SLC22A25: variants seen among roughly 807,000 people sequenced by gnomAD.
SLC22A25 encodes the protein MGI:2442751, MGI:2385316, MGI:3042283, MGI:3645714, MGI:3605624, MGI:2442750.
Under a neutral mutation model 45.9 loss-of-function variants are expected in SLC22A25, and 44 were observed. That is an observed-to-expected ratio of 0.96 (90% CI 0.75 to 1.23). SLC22A25 has a LOEUF of 1.23. Ranked by LOEUF, SLC22A25 falls within the 50% of genes most tolerant of loss-of-function variation. SLC22A25 has a pLI of 0.00. For synonymous variants in SLC22A25, 283 were observed against 238.6 expected, an observed-to-expected ratio of 1.19 and a Z score of -1.72; for missense variants, 800 against 666.4, an observed-to-expected ratio of 1.20 and a Z score of -2.21.
intron 3 of SLC22A25, among the ~76,000 whole-genome samples, chr11:63,232,160 T>C (rs940307279): frequency 1.3e-5 from 2 of 152,188 alleles, no homozygotes; most frequent in Admixed American, 6.5e-5. Context: ...TTTTTTCCAA[T>C]TGTGTGAAGA....
intron 7 of SLC22A25, among the ~76,000 whole-genome samples, chr11:63,198,514 G>A (rs750832346): frequency 1.3e-5 from 2 of 152,048 alleles, no homozygotes; most frequent in African/African-American, 2.4e-5. Flanking sequence ...GGTGGTAATC[G>A]AACAATGAGA....
chr11:63,216,394 A>G (rs1333811459), intron 7 of SLC22A25, among the ~76,000 whole-genome samples: 1 of 152,158 alleles, frequency 6.6e-6, no homozygotes, highest in Non-Finnish European at 1.5e-5. Context: ...AGGACTAGAA[A>G]CTCTTCTACT....
rs902538674 is a variant in SLC22A25, at chr11:63,177,936, C to T, written c.1070+2724G>A. 2.6e-5 allele frequency among the ~76,000 whole-genome samples: 3 copies of T among 117,270 alleles called. No individual in the cohort carries two copies. The East Asian group carries it at 9.0e-4, about 35-fold the overall frequency. The allele number at this position is 117,270 out of a possible 152,430, so 76.9% of individuals were successfully genotyped here. ...ATTTTCTTTTTTTTTGACAGGGTCT[C>T]ACTCTGTCTTAAAAGTGACACTCCA... On this transcript the variant is annotated intron_variant, in intron 9 of 11. Transcript: ENST00000306494.
In SLC22A25 at chr11:63,217,639, G is replaced by A; in HGVS notation, c.603C>T (p.Ser201=). The A allele has an allele frequency of 6.2e-7, 1 of 1,613,992 alleles. No individual in the cohort carries two copies. The highest frequency in any genetic ancestry group is 2.2e-5 in the East Asian group (1 of 44,844). ...AFAPTILVYC[S]LRFLAGAATF... ...TAGCAGCCCCAGCCAAGAAGCGCAG[G>A]GAGCAGTATACGAGGATGGTGGGAG... is the stretch of plus-strand genomic sequence containing the variant. Residue 201 remains serine, a synonymous_variant, in exon 6 of 12, where the codon TCC becomes TCT. Coordinates refer to ENST00000306494, the MANE Select transcript of SLC22A25 (RefSeq NM_199352.6).
intron 7 of SLC22A25, among the ~76,000 whole-genome samples, chr11:63,213,270 G>A (rs1329805846): frequency 3.3e-5 from 5 of 152,190 alleles, no homozygotes; most frequent in African/African-American, 4.8e-5. Context: ...ACAGGAAAAG[G>A]CCTTCAAGGA....
At position 63,183,758 on chromosome 11, in the gene SLC22A25, T is replaced by C; in HGVS notation, c.890A>G (p.Lys297Arg). ...IINNKPEEGL[K>R]ELRKAAHRNG... ...CCTGTGTGCAGCTTTTCTAAGTTCC[T>C]TTAAGCCCTCTTCTGGTTTGTTGTT... Residue 297 changes from lysine to arginine, a missense_variant, in exon 8 of 12, where the codon AAG becomes AGG. Physicochemically the swap from Lys to Arg is conservative, Grantham distance 26 (BLOSUM62 2). Transcript: ENST00000306494. 6.2e-7 allele frequency: 1 copy of C among 1,613,292 alleles called. No individual in the cohort carries two copies. Among genetic ancestry groups the C allele is most frequent in the South Asian group, 1.1e-5 (1 of 91,028 alleles).
chr11:63,185,386 T>A (rs952091466), intron 7 of SLC22A25, among the ~76,000 whole-genome samples: 11 of 151,818 alleles, frequency 7.2e-5, no homozygotes, highest in African/African-American at 2.2e-4. Flanking sequence ...GAACATGTGG[T>A]GTTTGGTTTT....
chr11:63,215,964 T>A (rs1193643), intron 7 of SLC22A25, among the ~76,000 whole-genome samples: 3 of 152,316 alleles, frequency 2.0e-5, no homozygotes, highest in African/African-American at 7.2e-5. Flanking sequence ...TTTTTTATGG[T>A]TGCATAATCA....
In SLC22A25 at chr11:63,164,619, C is replaced by G. The variant is rs148517822; in HGVS notation, c.1301G>C (p.Arg434Pro). The G allele has an allele frequency of 3.1e-4, 502 of 1,613,698 alleles. No homozygotes were observed. Among genetic ancestry groups the G allele is most frequent in the Admixed American group, 9.2e-4 (55 of 59,978 alleles). The change falls in exon 11 of 12, where the codon CGT (arginine) becomes CCT (proline). Residue 434 changes from arginine (R) to proline (P), a missense_variant. Arg to Pro is a moderately radical substitution (Grantham distance 103, BLOSUM62 -2). Transcript: ENST00000306494. ...CACACCCAGGGTTGCCAAAACCACA[C>G]GCAGGGTCTGCATTTCTGGAGAAAG... The part of the protein sequence containing the change: ...IFVPQEMQTL[R>P]VVLATLGVGA...
rs185081665 is a variant in SLC22A25, at chr11:63,166,336, G to A, written c.1071-78C>T. ...TACAAATGAGAATAATATTGGCCCAGGTAGCCAAGGACTCTTTAAAGTAAA... is the reference window on the plus strand; with the variant it reads ...TACAAATGAGAATAATATTGGCCCAAGTAGCCAAGGACTCTTTAAAGTAAA... On this transcript the variant is annotated intron_variant, in intron 9 of 11. Transcript: ENST00000306494. The A allele has an allele frequency of 1.4e-4, 221 of 1,540,462 alleles. No individual in the cohort carries two copies. The African/African-American group carries it at 2.6e-3, about 18-fold the overall frequency.
At chr11:63,196,264 T>G (rs1029231581) in intron 7 of SLC22A25, among the ~76,000 whole-genome samples, 9 of 152,122 alleles carry the variant, frequency 5.9e-5, no homozygotes, top group African/African-American at 9.7e-5. Context: ...GAGGCCAGCA[T>G]AATCCTGATA....
At chr11:63,215,864 A>G (rs2089696158) in intron 7 of SLC22A25, among the ~76,000 whole-genome samples, 1 of 152,094 alleles carries the variant, frequency 6.6e-6, no homozygotes, top group South Asian at 2.1e-4. Context: ...AAGTGAAACC[A>G]TGTATTTGGT....
intron 7 of SLC22A25, among the ~76,000 whole-genome samples, chr11:63,212,531 A>G (rs981959342): frequency 6.6e-6 from 1 of 152,058 alleles, no homozygotes; most frequent in East Asian, 1.9e-4. Context: ...CATGGATGAA[A>G]CTGGAAACCA....
intron 5 of SLC22A25, 145 bp from the exon 6 acceptor site, chr11:63,217,880 A>G: frequency 1.0e-6 from 1 of 971,466 alleles, no homozygotes; most frequent in Non-Finnish European, 1.5e-6. Flanking sequence ...CAGTTAATCA[A>G]TGGCAGGTCT....
intron 9 of SLC22A25, among the ~76,000 whole-genome samples, chr11:63,173,755 T>C (rs565039399): frequency 1.3e-5 from 2 of 152,296 alleles, no homozygotes; most frequent in South Asian, 2.1e-4. Flanking sequence ...TGATTCTTTA[T>C]TTCTGCATCA....
In SLC22A25 at chr11:63,160,151, T is replaced by C. The variant is rs1003774990; in HGVS notation, c.*3673A>G. Among the ~76,000 whole-genome samples the C allele has an allele frequency of 6.6e-6, 1 of 152,174 alleles. No individual in the cohort carries two copies. The highest frequency in any genetic ancestry group is 1.5e-5 in the Non-Finnish European group (1 of 68,032). ...TTCAAGCCTGCTGCAGAAATTTGCA[T>C]AAGTAATGAGGAACCAAAGGTTAAT... On this transcript the variant is annotated 3_prime_UTR_variant, in exon 12 of 12. Transcript: ENST00000306494.
chr11:63,190,565 C>A (rs956160028), intron 7 of SLC22A25, among the ~76,000 whole-genome samples: 1 of 152,116 alleles, frequency 6.6e-6, no homozygotes, highest in Admixed American at 6.5e-5. Flanking sequence ...CATTGTCTGT[C>A]CAGCTTTGTT....
In SLC22A25 at chr11:63,160,082, C is replaced by T. The variant is rs2087521215; in HGVS notation, c.*3742G>A. Among the ~76,000 whole-genome samples, 1 of 152,144 alleles carries T rather than the reference C, an allele frequency of 6.6e-6. No individual in the cohort carries two copies. Among genetic ancestry groups the T allele is most frequent in the Non-Finnish European group, 1.5e-5 (1 of 68,026 alleles). On this transcript the variant is annotated 3_prime_UTR_variant, in exon 12 of 12. Coordinates refer to ENST00000306494, the MANE Select transcript of SLC22A25 (RefSeq NM_199352.6). ...CAAAAAAGTTTGAAAAATTTGCAGC[C>T]TGGTGATGTGATAGAAAATAAAAAC...
At chr11:63,206,920 T>C (rs897284289) in intron 7 of SLC22A25, among the ~76,000 whole-genome samples, 11 of 152,080 alleles carry the variant, frequency 7.2e-5, no homozygotes, top group Non-Finnish European at 1.3e-4. Flanking sequence ...ATGGCAGTGG[T>C]ACCAAAACAG....
Sources: allele counts gnomAD v4.1 joint callset (sites outside exome capture counted in the v4.1 genomes callset), GRCh38; gene constraint gnomAD v4.1.1; transcripts MANE v1.5; gene names NCBI Gene and HGNC (gene_info 2026-07-23, HGNC 2026-07-21).